Variants in OPALIN observed in about 807,000 individuals in gnomAD.
OPALIN encodes transmembrane protein 10.
OPALIN carries 15 observed loss-of-function variants against 17.8 expected under a neutral mutation model. That is an observed-to-expected ratio of 0.84 (90% CI 0.56 to 1.29). OPALIN has a LOEUF of 1.29. Ranked by LOEUF, OPALIN falls within the 50% of genes most tolerant of loss-of-function variation. The pLI, the probability that OPALIN is intolerant of heterozygous loss-of-function variation, is 0.00. For synonymous variants in OPALIN, 62 were observed against 63.8 expected (o/e 0.97, Z 0.14); for missense variants, 170 against 176.0 (o/e 0.97, Z 0.19).
rs943928563 is a variant in OPALIN at position 96,345,730 on chromosome 10, T to C, written c.*211A>G. ...TAAGGACCCCATCTGGTGAGTCACA[T>C]GTACTAACTAAAGCACAAGATCTGA... On this transcript the variant is annotated 3_prime_UTR_variant, in exon 6 of 6. Transcript: ENST00000371172. The C allele has an allele frequency of 6.2e-6, 3 of 486,892 alleles. No homozygotes were observed. Among genetic ancestry groups the C allele is most frequent in the Admixed American group, 7.2e-5 (2 of 27,792 alleles). The allele number at this position is 486,892 out of a possible 1,614,324, so 30.2% of individuals were successfully genotyped here. A position where few individuals can be genotyped will look rare whatever the true frequency, so the allele number is the denominator to read the frequency against.
intron 4 of OPALIN, among the ~76,000 whole-genome samples, chr10:96,348,671 G>A (rs1394169620): frequency 6.6e-6 from 1 of 152,132 alleles, no homozygotes; most frequent in Non-Finnish European, 1.5e-5. Flanking sequence ...TTAAAAAATT[G>A]TTTTTGTTTT....
rs529119396 is a variant in OPALIN, at chr10:96,351,514, T to A, written c.40-104A>T. ...TTTAGGCTATAAAGCCTAAAGTTTA[T>A]CCCTTTGCTAAACTTTCTGTTAACA... On this transcript the variant is annotated intron_variant, in intron 2 of 5. Coordinates refer to ENST00000371172, the MANE Select transcript of OPALIN (RefSeq NM_033207.5). The A allele has an allele frequency of 2.1e-4, 130 of 634,124 alleles. 2 individuals carry two copies. In the South Asian group the frequency reaches 3.8e-3, roughly 18 times the overall value. The allele number at this position is 634,124 out of a possible 1,614,324, so 39.3% of individuals were successfully genotyped here.
At chr10:96,350,679 A>T (rs184481056) in intron 3 of OPALIN, among the ~76,000 whole-genome samples, 85 of 152,376 alleles carry the variant, frequency 5.6e-4, no homozygotes, top group East Asian at 3.9e-4. Context: ...ATAAATAAAT[A>T]AAAAAGTGAC....
At chr10:96,356,083 C>T (rs1429560865) in intron 1 of OPALIN, among the ~76,000 whole-genome samples, 2 of 152,202 alleles carry the variant, frequency 1.3e-5, no homozygotes, top group Non-Finnish European at 2.9e-5. Context: ...CCTGTTCTGA[C>T]TCAGCCAGTG....
intron 1 of OPALIN, 134 bp from the exon 2 acceptor site, chr10:96,355,424 T>C (rs1845779442): frequency 1.4e-6 from 1 of 705,974 alleles, no homozygotes; most frequent in Non-Finnish European, 2.4e-6. Flanking sequence ...CCCATCGTCC[T>C]GCACAGTCTT....
rs911311774 is a variant in OPALIN, at chr10:96,344,473, G to A, written c.*1468C>T. 1 of 152,062 alleles carries A rather than the reference G, an allele frequency of 6.6e-6. No homozygotes were observed. Among genetic ancestry groups the A allele is most frequent in the South Asian group, 2.1e-4 (1 of 4,820 alleles). The allele number at this position is 152,062 out of a possible 1,614,324, so 9.4% of individuals were successfully genotyped here. On this transcript the variant is annotated 3_prime_UTR_variant, in exon 6 of 6. Coordinates refer to ENST00000371172, the MANE Select transcript of OPALIN (RefSeq NM_033207.5). ...TACAGAAGAAAAAAAAAAAAGGCTG[G>A]GGATGGATTGGAAAATGGGAAGAGG...
At chr10:96,355,576 T>C (rs1845786476) in intron 1 of OPALIN, among the ~76,000 whole-genome samples, 1 of 152,104 alleles carries the variant, frequency 6.6e-6, no homozygotes, top group South Asian at 2.1e-4. Flanking sequence ...GTCTGAGGGG[T>C]CCCATTCACA....
At chr10:96,355,174 T>G in intron 2 of OPALIN, 81 bp downstream of exon 2, 1 of 1,121,178 alleles carries the variant, frequency 8.9e-7, no homozygotes, top group Non-Finnish European at 1.3e-6. Flanking sequence ...GTGAGGGGTT[T>G]ATGTGAGTTC....
chr10:96,347,091 T>C (rs958963093), intron 5 of OPALIN, among the ~76,000 whole-genome samples: 16 of 147,624 alleles, frequency 1.1e-4, no homozygotes, highest in African/African-American at 3.4e-4. Context: ...CCTTTCTTTC[T>C]TTTTTTTTTC....
At chr10:96,351,859 C>G (rs1396071327) in intron 2 of OPALIN, among the ~76,000 whole-genome samples, 1 of 152,296 alleles carries the variant, frequency 6.6e-6, no homozygotes, top group East Asian at 1.9e-4. Context: ...ATCCATGCTC[C>G]TGGGGATAAT....
At chr10:96,346,848 T>A (rs113195657) in intron 5 of OPALIN, among the ~76,000 whole-genome samples, 1 of 152,188 alleles carries the variant, frequency 6.6e-6, no homozygotes, top group Non-Finnish European at 1.5e-5. Context: ...TTATTTTCCA[T>A]AAAGGTATTA....
chr10:96,355,351 T>A (rs1298765358), intron 1 of OPALIN, 61 bp from the exon 2 acceptor site: 27 of 1,491,804 alleles, frequency 1.8e-5, no homozygotes, highest in Non-Finnish European at 2.0e-5. Context: ...CTTCCTCACT[T>A]CCTCAAACTC....
chr10:96,347,752 C>T (rs925713753), intron 5 of OPALIN, among the ~76,000 whole-genome samples: 22 of 152,164 alleles, frequency 1.4e-4, no homozygotes, highest in African/African-American at 4.8e-4. Flanking sequence ...GGATTACAGG[C>T]GTGAGCCACT....
Position 96,346,066 on chromosome 10 carries a change from C to A in OPALIN, c.301G>T (p.Ala101Ser), listed in dbSNP as rs1845306530. 1 of 1,613,972 alleles carries A rather than the reference C, an allele frequency of 6.2e-7. No individual in the cohort carries two copies. Among genetic ancestry groups the A allele is most frequent in the Non-Finnish European group, 8.5e-7 (1 of 1,179,960 alleles). The change falls in exon 6 of 6, where the codon GCC becomes TCC. Residue 101 changes from alanine to serine, a missense_variant. Coordinates refer to ENST00000371172, the MANE Select transcript of OPALIN (RefSeq NM_033207.5). The stretch of plus-strand genomic sequence containing the variant: ...GCTACAGTCTTCACATATATGTGGG[C>A]CTCTTGTGCTCCCATCGTATTCTTC... ...HEKNTMGAQE[A>S]HIYVKTVAGS... is the part of the protein sequence containing the mutation.
At chr10:96,357,140 C>T (rs1286403133) in intron 1 of OPALIN, 1 of 984,378 alleles carries the variant, frequency 1.0e-6, no homozygotes, top group Admixed American at 6.2e-5. Context: ...GCTGCAAGGA[C>T]ACTGGATGGT....
intron 5 of OPALIN, 92 bp from the exon 6 acceptor site, chr10:96,346,209 G>A: frequency 9.2e-7 from 1 of 1,088,950 alleles, no homozygotes; most frequent in African/African-American, 1.6e-5. Context: ...CCTCCCACCT[G>A]AAATAACCAA....
chr10:96,351,656 T>C (rs866265029), intron 2 of OPALIN, among the ~76,000 whole-genome samples: 2 of 152,214 alleles, frequency 1.3e-5, no homozygotes, highest in South Asian at 4.1e-4. Context: ...ACCCTGTGGA[T>C]GTACCGTGAC....
intron 1 of OPALIN, among the ~76,000 whole-genome samples, chr10:96,357,598 C>G (rs1395899976): frequency 6.6e-6 from 1 of 152,142 alleles, no homozygotes; most frequent in East Asian, 1.9e-4. Flanking sequence ...TCAGTTTTCC[C>G]ATTCTCAAAA....
Position 96,343,513 on chromosome 10 carries a change from T to C in OPALIN, c.*2428A>G, listed in dbSNP as rs1845181404. ...AGAACTGCTGTCTCCACTTTACAAG[T>C]ACAGAACTGAGGCTCTGGATGATCA... On this transcript the variant is annotated 3_prime_UTR_variant, in exon 6 of 6. Transcript: ENST00000371172. 1 of 152,206 alleles carries C rather than the reference T, an allele frequency of 6.6e-6. No individual in the cohort carries two copies. Among genetic ancestry groups the C allele is most frequent in the South Asian group, 2.1e-4 (1 of 4,828 alleles). The allele number at this position is 152,206 out of a possible 1,614,324, so 9.4% of individuals were successfully genotyped here. A position where few individuals can be genotyped will look rare whatever the true frequency, so the allele number is the denominator to read the frequency against.
Sources: gnomAD v4.1 joint callset for allele counts (sites outside exome capture counted in the v4.1 genomes callset) on GRCh38, gnomAD v4.1.1 for gene constraint, MANE v1.5 for transcripts, NCBI Gene and HGNC (gene_info 2026-07-23, HGNC 2026-07-21) for gene names.